Variants in STARD13 observed in about 807,000 individuals in gnomAD.
STARD13 encodes the protein stAR-related lipid transfer protein 13.
A neutral mutation model predicts 106.4 loss-of-function variants in STARD13; 62 were observed. The ratio of observed to expected loss-of-function variants is 0.58; its 90% CI spans 0.48 to 0.72. The LOEUF (loss-of-function observed/expected upper bound fraction) is 0.72. Ranked by LOEUF, STARD13 falls within the 30% of genes least tolerant of loss-of-function variation. The probability of loss-of-function intolerance (pLI) is 0.00; values close to 1 mark genes in which losing one functional copy is unlikely to be tolerated. For synonymous variants in STARD13, 565 were observed against 553.0 expected (o/e 1.02, Z -0.31); for missense variants, 1,387 against 1,424.0 (o/e 0.97, Z 0.42).
At chr13:33,586,657 G>A in the STARD13 span, among the ~76,000 whole-genome samples, 1 of 152,132 alleles carries the variant, frequency 6.6e-6, no homozygotes, top group African/African-American at 2.4e-5. Context: ...AAGGACCAGT[G>A]ATCTGATCTT....
At chr13:33,627,966 T>C in the STARD13 span, among the ~76,000 whole-genome samples, 1 of 134,150 alleles carries the variant, frequency 7.5e-6, no homozygotes, top group African/African-American at 3.9e-5. Flanking sequence ...CTTTTTTTTC[T>C]TTCTTTTTTT....
the STARD13 span, among the ~76,000 whole-genome samples, chr13:33,447,050 AAAGG>A: frequency 6.6e-6 from 1 of 152,230 alleles, no homozygotes; most frequent in Non-Finnish European, 1.5e-5. Flanking sequence ...ATGAACAAAG[AAAGG>A]AATTCATTAA....
the STARD13 span, among the ~76,000 whole-genome samples, chr13:33,507,820 G>A: frequency 1.1e-4 from 17 of 151,998 alleles, no homozygotes; most frequent in East Asian, 3.9e-4. Flanking sequence ...AAAATCATAC[G>A]GAAGAGAAAA....
the STARD13 span, among the ~76,000 whole-genome samples, chr13:33,590,498 A>C: frequency 6.6e-6 from 1 of 151,944 alleles, no homozygotes; most frequent in East Asian, 1.9e-4. Flanking sequence ...GCACATATAC[A>C]CCATGGAATG....
the STARD13 span, among the ~76,000 whole-genome samples, chr13:33,516,242 C>A: frequency 6.9e-6 from 1 of 145,920 alleles, no homozygotes; most frequent in Non-Finnish European, 1.5e-5. Flanking sequence ...CATTATAATT[C>A]ATAATATAAT....
chr13:33,216,668 C>T (rs1047907857), intron 1 of STARD13, among the ~76,000 whole-genome samples: 1 of 152,152 alleles, frequency 6.6e-6, no homozygotes, highest in African/African-American at 2.4e-5. Flanking sequence ...CACTAAGGAA[C>T]TTGCTCATGT....
chr13:33,650,891 C>A, the STARD13 span, among the ~76,000 whole-genome samples: 1 of 152,224 alleles, frequency 6.6e-6, no homozygotes, highest in Non-Finnish European at 1.5e-5. Flanking sequence ...GGGGGAAGGC[C>A]TTCTTAAAAG....
chr13:33,345,345 T>C (rs2078006561), downstream of STARD13, among the ~76,000 whole-genome samples: 1 of 152,224 alleles, frequency 6.6e-6, no homozygotes, highest in South Asian at 2.1e-4. Context: ...GTTCTTTTTG[T>C]TGTTCTTTTG....
At chr13:33,519,260 C>CTT in the STARD13 span, among the ~76,000 whole-genome samples, 128 of 146,570 alleles carry the variant, frequency 8.7e-4, 3 homozygotes, top group Non-Finnish European at 4.5e-5. Flanking sequence ...TTCTTTCTTT[C>CTT]TTTCTTTCTT....
the STARD13 span, among the ~76,000 whole-genome samples, chr13:33,439,052 A>G: frequency 6.6e-6 from 1 of 152,232 alleles, no homozygotes; most frequent in East Asian, 1.9e-4. Flanking sequence ...CTTTCTATGT[A>G]TAAGCATGTA....
intron 1 of STARD13, among the ~76,000 whole-genome samples, chr13:33,253,715 A>G (rs945820655): frequency 3.9e-5 from 6 of 152,122 alleles, no homozygotes; most frequent in Admixed American, 3.9e-4. Context: ...CCTTCAATGT[A>G]TGGCGTTGAT....
intron 1 of STARD13, among the ~76,000 whole-genome samples, chr13:33,246,408 G>A (rs1231246504): frequency 6.6e-6 from 1 of 152,158 alleles, no homozygotes; most frequent in African/African-American, 2.4e-5. Context: ...TCTCAGGGCT[G>A]TATCTTTGTC....
the STARD13 span, among the ~76,000 whole-genome samples, chr13:33,529,660 T>C: frequency 6.6e-6 from 1 of 152,056 alleles, no homozygotes; most frequent in Non-Finnish European, 1.5e-5. Context: ...TACAAAACGA[T>C]ATGGGAAAAC....
chr13:33,381,804 G>T, the STARD13 span, among the ~76,000 whole-genome samples: 1 of 152,108 alleles, frequency 6.6e-6, no homozygotes. Context: ...ATATATTAAG[G>T]ATCTGCTTCT....
At chr13:33,402,698 G>T in the STARD13 span, among the ~76,000 whole-genome samples, 2 of 152,364 alleles carry the variant, frequency 1.3e-5, no homozygotes, top group East Asian at 3.9e-4. Context: ...AGGAGATGAG[G>T]AGAAAAGCAG....
chr13:33,538,808 G>T, the STARD13 span, among the ~76,000 whole-genome samples: 1 of 148,352 alleles, frequency 6.7e-6, no homozygotes, highest in Admixed American at 6.7e-5. Context: ...CTGGCTCTGT[G>T]ACCCAGGCTG....
upstream of STARD13, chr13:33,350,707 C>G (rs1213090985): frequency 9.2e-7 from 1 of 1,081,184 alleles, no homozygotes; most frequent in Non-Finnish European, 1.1e-6. Flanking sequence ...TTGGGCGCTC[C>G]TCCACTCCCC....
At position 33,253,858 on chromosome 13, in the gene STARD13, C is replaced by T. The variant is rs963957672; in HGVS notation, c.169+31612G>A. 9.2e-5 allele frequency among the ~76,000 whole-genome samples: 14 copies of T among 152,190 alleles called. No homozygotes were observed. In the South Asian group the frequency reaches 1.0e-3, roughly 11 times the overall value. The stretch of plus-strand genomic sequence containing the variant: ...GATAAAAATAAAGGCCTCTCTTGAA[C>T]GGATACAAATTTGATGAGCAATGAA... On this transcript the variant is annotated intron_variant, in intron 1 of 13. Coordinates refer to ENST00000336934, the MANE Select transcript of STARD13 (RefSeq NM_178006.4).
the STARD13 span, among the ~76,000 whole-genome samples, chr13:33,377,105 A>G: frequency 2.6e-5 from 4 of 152,190 alleles, no homozygotes; most frequent in African/African-American, 9.6e-5. Flanking sequence ...ATTTTTTTCT[A>G]TTGTTAGTAA....
Sources: gnomAD v4.1 joint callset for allele counts (sites outside exome capture counted in the v4.1 genomes callset) on GRCh38, gnomAD v4.1.1 for gene constraint, MANE v1.5 for transcripts, NCBI Gene and HGNC (gene_info 2026-07-23, HGNC 2026-07-21) for gene names.